The following KANSL1 variants were observed in gnomAD, a reference collection of about 807,000 sequenced individuals.
The protein encoded by KANSL1 is MLL1/MLL complex subunit KANSL1.
A neutral mutation model predicts 103.6 loss-of-function variants in KANSL1; 22 were observed. The ratio of observed to expected loss-of-function variants is 0.21; its 90% confidence interval spans 0.15 to 0.30. The LOEUF is 0.30. Among genes scored for constraint, KANSL1 ranks in the 10% least tolerant of loss-of-function variants. KANSL1 has a pLI of 1.00. For missense variants in KANSL1, 1,337 were observed against 1,399.8 expected (o/e 0.96, Z 0.72); for synonymous variants, 600 against 527.6 (o/e 1.14, Z -1.88).
intron 6 of KANSL1, among the ~76,000 whole-genome samples, chr17:46,064,053 T>TAAAAAAAAA (rs58111244): frequency 2.8e-5 from 3 of 105,756 alleles, no homozygotes; most frequent in African/African-American, 1.0e-4. Flanking sequence ...CGACTATTAG[T>TAAAAAAAAA]AAAAAAAAAA....
At position 46,031,493 on chromosome 17, in the gene KANSL1, G is replaced by A. The variant is rs1372183525; in HGVS notation, c.3301C>T (p.Arg1101Cys). Reference sequence around the variant, plus strand: ...TCTCCCGCTCATCTGTGAGTCGGGCGCTGAGCTGTGGCTGCTGCCACCAGA... The same window carrying A: ...TCTCCCGCTCATCTGTGAGTCGGGCACTGAGCTGTGGCTGCTGCCACCAGA... ...RHLVAAATAQ[R>C]PTHR The change falls in exon 15 of 15, where the codon CGC (arginine) becomes TGC (cysteine). Residue 1101 changes from arginine (R) to cysteine (C), a missense_variant. Around this residue, in one of 2 missense-constraint regions of KANSL1, gnomAD observed 780 missense variants for 923.4 expected, o/e 0.84. Transcript: ENST00000432791. 1.9e-6 allele frequency: 3 copies of A among 1,611,804 alleles called. No homozygotes were observed. The highest frequency in any genetic ancestry group is 1.7e-5 in the Admixed American group (1 of 59,828).
intron 1 of KANSL1, among the ~76,000 whole-genome samples, chr17:46,185,780 T>C (rs926787359): frequency 6.6e-6 from 1 of 151,244 alleles, no homozygotes. Flanking sequence ...CCAGCTACTC[T>C]AGAAGTCAAG....
At chr17:46,193,851 G>C (rs1269053588), upstream of KANSL1, 1 of 164,440 alleles carries the variant, frequency 6.1e-6, no homozygotes, top group Non-Finnish European at 1.4e-5. Flanking sequence ...GAGAGGACGT[G>C]AGCGAGGAAC....
intron 2 of KANSL1, among the ~76,000 whole-genome samples, chr17:46,101,931 A>C (rs1423434710): frequency 6.6e-6 from 1 of 152,184 alleles, no homozygotes; most frequent in African/African-American, 2.4e-5. Context: ...ATATTCTGAG[A>C]GTTTCTTGAG....
chr17:46,102,326 T>G (rs1222167561), intron 2 of KANSL1, among the ~76,000 whole-genome samples: 1 of 152,218 alleles, frequency 6.6e-6, no homozygotes, highest in Non-Finnish European at 1.5e-5. Flanking sequence ...CTCAGCTCAC[T>G]GCAACCTCTG....
In KANSL1 at chr17:46,038,555, C is replaced by T. The variant is rs758243969; in HGVS notation, c.2524G>A (p.Val842Ile). ...SPAPASSSSQ[V>I]TASTSQQPVR... ...GTACTTACCGATGTGCTGGCTGTAA[C>T]CTGTGAGCTAGAGCTGGCGGGTGCA... The change falls in exon 10 of 15, where the codon GTT becomes ATT. Residue 842 changes from valine to isoleucine, a missense_variant. By Grantham distance (29) the Val-to-Ile change is conservative (BLOSUM62 3). This residue lies in a region of KANSL1 where 780 missense variants were observed against 923.4 expected (regional missense o/e 0.84). Transcript: ENST00000432791. 1.4e-5 allele frequency: 22 copies of T among 1,614,032 alleles called. No individual in the cohort carries two copies. In the South Asian group the frequency reaches 2.3e-4, roughly 17 times the overall value.
chr17:46,036,956 CCCGCCTCAG>C (rs1319313097), intron 10 of KANSL1, among the ~76,000 whole-genome samples: 3 of 152,164 alleles, frequency 2.0e-5, no homozygotes, highest in Non-Finnish European at 4.4e-5. Flanking sequence ...AAGTGATCCA[CCCGCCTCAG>C]CCGCCTCCCC....
chr17:46,164,228 G>C (rs2045887807), intron 2 of KANSL1, among the ~76,000 whole-genome samples: 1 of 152,198 alleles, frequency 6.6e-6, no homozygotes, highest in African/African-American at 2.4e-5. Flanking sequence ...ATCACAAGGT[G>C]GCAGAAAACA....
intron 2 of KANSL1, among the ~76,000 whole-genome samples, chr17:46,167,803 T>TA (rs1256140296): frequency 3.3e-5 from 5 of 152,268 alleles, no homozygotes; most frequent in Non-Finnish European, 5.9e-5. Context: ...ATTCTATAGC[T>TA]AGCATGTACC....
At chr17:46,098,804 C>T (rs56240678) in intron 2 of KANSL1, among the ~76,000 whole-genome samples, 1 of 152,188 alleles carries the variant, frequency 6.6e-6, no homozygotes, top group African/African-American at 2.4e-5. Flanking sequence ...CTCAAACTCT[C>T]ATCATCTCCA....
rs2458208 is a variant in KANSL1 at position 46,220,362 on chromosome 17, G to A, written c.-90+3309C>T. 6.2e-3 allele frequency among the ~76,000 whole-genome samples: 935 copies of A among 150,918 alleles called. 5 individuals are homozygous for A. The highest frequency in any genetic ancestry group is 0.022 in the African/African-American group (888 of 41,172). ...CTCCCAAGTAGCTGCAACTACAGGC[G>A]CCTGCCACCACGCCCAGCTATTTTT... On this transcript the variant is annotated intron_variant, in intron 1 of 14. Transcript: ENST00000572904.
intron 2 of KANSL1, among the ~76,000 whole-genome samples, chr17:46,109,361 A>G (rs904123168): frequency 6.6e-6 from 1 of 152,178 alleles, no homozygotes; most frequent in Non-Finnish European, 1.5e-5. Flanking sequence ...TCACATCTCA[A>G]TTTCTATGCT....
chr17:46,058,082 A>G (rs915896731), intron 6 of KANSL1, among the ~76,000 whole-genome samples: 11 of 152,236 alleles, frequency 7.2e-5, no homozygotes, highest in African/African-American at 2.7e-4. Flanking sequence ...AATTCTCACT[A>G]GATCAGAATT....
At chr17:46,091,628 A>AT (rs574088486) in intron 3 of KANSL1, among the ~76,000 whole-genome samples, 2 of 151,928 alleles carry the variant, frequency 1.3e-5, no homozygotes, top group Non-Finnish European at 2.9e-5. Flanking sequence ...TTTTTACTGT[A>AT]TTTTTTCTAT....
At chr17:46,039,537 C>T in intron 8 of KANSL1, 165 bp downstream of exon 8, 1 of 757,052 alleles carries the variant, frequency 1.3e-6, no homozygotes, top group Non-Finnish European at 2.1e-6. Flanking sequence ...CGAAGTCCAT[C>T]TGAGAGCATC....
intron 2 of KANSL1, among the ~76,000 whole-genome samples, chr17:46,114,732 TG>T (rs1474624695): frequency 6.6e-6 from 1 of 152,226 alleles, no homozygotes; most frequent in African/African-American, 2.4e-5. Flanking sequence ...GACAATATCT[TG>T]TTTAAAGTTA....
chr17:46,210,776 C>T (rs894891532), intron 1 of KANSL1, among the ~76,000 whole-genome samples: 1 of 152,104 alleles, frequency 6.6e-6, no homozygotes, highest in South Asian at 2.1e-4. Context: ...GAAAGGGTTT[C>T]TAAATATATT....
At chr17:46,034,830 T>C (rs978711730) in intron 10 of KANSL1, 5 of 153,484 alleles carry the variant, frequency 3.3e-5, no homozygotes, top group African/African-American at 1.2e-4. Flanking sequence ...GCACCCACCA[T>C]CTGCCCAGTC....
At chr17:46,209,675 G>T (rs573042566) in intron 1 of KANSL1, among the ~76,000 whole-genome samples, 4 of 152,250 alleles carry the variant, frequency 2.6e-5, no homozygotes, top group Admixed American at 2.0e-4. Context: ...TGTATTTTTA[G>T]TAGAGACAGG....
Sources: gnomAD v4.1 joint callset for allele counts (sites outside exome capture counted in the v4.1 genomes callset) on GRCh38, gnomAD v4.1.1 for gene constraint, gnomAD v4.1.1 regional missense constraint, MANE v1.5 for transcripts, NCBI Gene and HGNC (gene_info 2026-07-23, HGNC 2026-07-21) for gene names.